DAGLA: variants seen among roughly 807,000 people sequenced by gnomAD.
DAGLA encodes diacylglycerol lipase-alpha.
DAGLA carries 22 observed loss-of-function variants against 102.6 expected under a neutral mutation model. That is an observed-to-expected ratio of 0.21 (90% confidence interval 0.15 to 0.31). The LOEUF is 0.31. Ranked by LOEUF, DAGLA falls within the 10% of genes least tolerant of loss-of-function variation. DAGLA has a pLI of 1.00. For missense variants in DAGLA, 927 were observed against 1,446.6 expected, an observed-to-expected ratio of 0.64 and a Z score of 5.83; for synonymous variants, 578 against 628.9, an observed-to-expected ratio of 0.92 and a Z score of 1.21.
intron 19 of DAGLA, among the ~76,000 whole-genome samples, chr11:61,741,579 C>A (rs1195596447): frequency 6.6e-6 from 1 of 152,004 alleles, no homozygotes; most frequent in East Asian, 1.9e-4. Flanking sequence ...GACCCACAAA[C>A]CCTGGGCCAC....
intron 13 of DAGLA, among the ~76,000 whole-genome samples, chr11:61,736,901 T>C (rs970548993): frequency 6.6e-6 from 1 of 152,168 alleles, no homozygotes; most frequent in Non-Finnish European, 1.5e-5. Flanking sequence ...ATGCAATGAC[T>C]AGAGGGAGTG....
At chr11:61,709,547 C>G (rs893268969) in intron 1 of DAGLA, among the ~76,000 whole-genome samples, 3 of 152,190 alleles carry the variant, frequency 2.0e-5, no homozygotes, top group Non-Finnish European at 4.4e-5. Flanking sequence ...CTATGGCCAC[C>G]TCCCCTCATC....
chr11:61,739,795 A>G (rs2065461460), intron 17 of DAGLA, 134 bp downstream of exon 17: 1 of 891,356 alleles, frequency 1.1e-6, no homozygotes, highest in Non-Finnish European at 1.7e-6. Flanking sequence ...CAGGGCCTCC[A>G]TGGAGGGGTT....
Position 61,743,736 on chromosome 11 carries a change from C to G in DAGLA, c.2376C>G (p.Phe792Leu). Reference sequence around the variant, plus strand: ...CGGACACTGAGTCCCTGTACAGCTTCGACTCGCGCCGCTCCTCAGGCTTCC... The same window carrying G: ...CGGACACTGAGTCCCTGTACAGCTTGGACTCGCGCCGCTCCTCAGGCTTCC... ...SLSDTESLYS[F>L]DSRRSSGFRS... The change falls in exon 20 of 20, where the codon TTC (phenylalanine) becomes TTG (leucine). Residue 792 changes from phenylalanine (F) to leucine (L), a missense_variant. Phe to Leu is a conservative substitution (Grantham distance 22). Coordinates refer to ENST00000257215, the MANE Select transcript of DAGLA (RefSeq NM_006133.3). The G allele has an allele frequency of 6.2e-7, 1 of 1,611,668 alleles. No individual in the cohort carries two copies. The highest frequency in any genetic ancestry group is 8.5e-7 in the Non-Finnish European group (1 of 1,179,716).
At position 61,686,119 on chromosome 11, in the gene DAGLA, C is replaced by T. The variant is rs553879292; in HGVS notation, c.-45+5615C>T. 1.6e-4 allele frequency among the ~76,000 whole-genome samples: 24 copies of T among 151,954 alleles called. No homozygotes were observed. In the South Asian group the frequency reaches 4.4e-3, roughly 28 times the overall value. On this transcript the variant is annotated intron_variant, in intron 1 of 19. Coordinates refer to ENST00000257215, the MANE Select transcript of DAGLA (RefSeq NM_006133.3). This position sits in a 1 kb window ranked among gnomAD's most constrained non-coding sequence, Gnocchi z 5.2. ...CAGGTACAGAGGGCTTGAACCAGGG[C>T]AGTGGCCACTCTGCAGGGGAAAGGG...
chr11:61,742,860 C>T (rs2065492644), intron 19 of DAGLA, among the ~76,000 whole-genome samples: 1 of 141,230 alleles, frequency 7.1e-6, no homozygotes. Flanking sequence ...TGACCTGGGG[C>T]AGGCTCATGA....
At chr11:61,709,147 A>G (rs569893050) in intron 1 of DAGLA, among the ~76,000 whole-genome samples, 47 of 152,322 alleles carry the variant, frequency 3.1e-4, no homozygotes, top group African/African-American at 1.0e-3. Context: ...TCTGCAAGTA[A>G]AACTCTAAAA....
chr11:61,723,339 G>A, intron 4 of DAGLA, 95 bp from the exon 5 acceptor site: 9 of 1,516,352 alleles, frequency 5.9e-6, no homozygotes, highest in Non-Finnish European at 8.1e-6. Context: ...AAGCATTTGG[G>A]GTTAGGGAGG....
intron 8 of DAGLA, 133 bp from the exon 9 acceptor site, chr11:61,731,184 C>A (rs375183301): frequency 1.4e-5 from 15 of 1,075,492 alleles, no homozygotes; most frequent in Middle Eastern, 2.4e-4. Context: ...GGGCCCCACA[C>A]CTCAACAGGG....
At chr11:61,689,981 A>G (rs2065011506) in intron 1 of DAGLA, among the ~76,000 whole-genome samples, 1 of 151,940 alleles carries the variant, frequency 6.6e-6, no homozygotes, top group Non-Finnish European at 1.5e-5. Context: ...ACAGAATTCC[A>G]TGCCATCCTC....
intron 1 of DAGLA, among the ~76,000 whole-genome samples, chr11:61,696,321 G>A (rs926405404): frequency 6.6e-6 from 1 of 152,110 alleles, no homozygotes; most frequent in African/African-American, 2.4e-5. Flanking sequence ...TCCTGGGAGC[G>A]GGAGAGTGGG....
chr11:61,728,786 A>C, intron 7 of DAGLA, 145 bp from the exon 8 acceptor site: 1 of 673,974 alleles, frequency 1.5e-6, no homozygotes, highest in East Asian at 2.7e-5. Context: ...AAGTGGCTGA[A>C]TCTTGGAAGA....
chr11:61,685,968 G>T (rs991281137), intron 1 of DAGLA, among the ~76,000 whole-genome samples: 4 of 152,146 alleles, frequency 2.6e-5, no homozygotes, highest in African/African-American at 9.7e-5. Flanking sequence ...CTGAAGGTTT[G>T]GTTTCCAATC....
chr11:61,722,150 A>G (rs537722455), intron 3 of DAGLA, among the ~76,000 whole-genome samples: 2 of 152,334 alleles, frequency 1.3e-5, no homozygotes, highest in East Asian at 3.9e-4. Context: ...ACACGCTCTC[A>G]TCTAATTTTT....
intron 6 of DAGLA, among the ~76,000 whole-genome samples, chr11:61,726,371 T>A (rs895361466): frequency 6.6e-6 from 1 of 152,192 alleles, no homozygotes; most frequent in Admixed American, 6.5e-5. Context: ...ATATGCAAAG[T>A]CAGGGTGACC....
Position 61,735,653 on chromosome 11 carries a change from C to T in DAGLA, c.1212+9C>T. On this transcript the variant is annotated intron_variant, in intron 11 of 19. Coordinates refer to ENST00000257215, the MANE Select transcript of DAGLA (RefSeq NM_006133.3). Reference sequence around the variant, plus strand: ...GGACCCTGTCCCCCAAGGTACGCTGCCCATGGCTCCCAGCCCCCGGGGGTG... The same window carrying T: ...GGACCCTGTCCCCCAAGGTACGCTGTCCATGGCTCCCAGCCCCCGGGGGTG... The T allele has an allele frequency of 6.2e-7, 1 of 1,613,718 alleles. No homozygotes were observed. Among genetic ancestry groups the T allele is most frequent in the South Asian group, 1.1e-5 (1 of 91,072 alleles).
At chr11:61,733,805 G>A (rs1045478594) in intron 9 of DAGLA, among the ~76,000 whole-genome samples, 1 of 152,266 alleles carries the variant, frequency 6.6e-6, no homozygotes, top group African/African-American at 2.4e-5. Flanking sequence ...TGGTGGAGCG[G>A]ATGGGCACTT....
At chr11:61,743,495 T>G in intron 19 of DAGLA, 37 bp from the exon 20 acceptor site, 1 of 1,477,620 alleles carries the variant, frequency 6.8e-7, no homozygotes, top group Non-Finnish European at 9.0e-7. Context: ...CTCTCCCTTC[T>G]GAGTCTTATA....
chr11:61,713,645 C>A (rs757761590), intron 1 of DAGLA, among the ~76,000 whole-genome samples: 7 of 152,222 alleles, frequency 4.6e-5, no homozygotes, highest in Non-Finnish European at 8.8e-5. Context: ...GAGAGCAGGA[C>A]CTGTCTGCCA....
Sources: allele counts gnomAD v4.1 joint callset (sites outside exome capture counted in the v4.1 genomes callset), GRCh38; gene constraint gnomAD v4.1.1; non-coding constraint Gnocchi (gnomAD v3.1); transcripts MANE v1.5; gene names NCBI Gene and HGNC (gene_info 2026-07-23, HGNC 2026-07-21).